Variants in PTPN14 observed in about 807,000 individuals in gnomAD.
PTPN14 encodes protein tyrosine phosphatase non-receptor type 14, also known as tyrosine-protein phosphatase non-receptor type 14.
Under a neutral mutation model 126.8 loss-of-function variants are expected in PTPN14, and 53 were observed. That is an observed-to-expected ratio of 0.42 (90% CI 0.34 to 0.53). The LOEUF (loss-of-function observed/expected upper bound fraction) is 0.53. Ranked by LOEUF, PTPN14 falls within the 20% of genes least tolerant of loss-of-function variation. PTPN14 has a pLI of 0.08. For synonymous variants in PTPN14, 630 were observed against 599.3 expected (o/e 1.05, Z -0.75); for missense variants, 1,257 against 1,552.9 (o/e 0.81, Z 3.20).
intron 1 of PTPN14, among the ~76,000 whole-genome samples, chr1:214,489,189 T>C (rs1032174621): frequency 6.6e-6 from 1 of 152,218 alleles, no homozygotes; most frequent in African/African-American, 2.4e-5. Context: ...ATTTTCAGTT[T>C]GTTATATCAT....
chr1:214,514,533 C>G (rs1420537061), intron 1 of PTPN14, among the ~76,000 whole-genome samples: 5 of 152,156 alleles, frequency 3.3e-5, no homozygotes, highest in Non-Finnish European at 7.3e-5. Flanking sequence ...AGATTGCCAA[C>G]AGATTCCCAG....
chr1:214,351,453 G>T lies in PTPN14; in HGVS notation c.*6469C>A, dbSNP rs1419189531. Reference sequence around the variant, plus strand: ...ACTGCATGTACATCCCAGTTTTGTGGCCTGAATAGAAACATGACTTGCTCT... The same window carrying T: ...ACTGCATGTACATCCCAGTTTTGTGTCCTGAATAGAAACATGACTTGCTCT... On this transcript the variant is annotated 3_prime_UTR_variant, in exon 19 of 19. Coordinates refer to ENST00000366956, the MANE Select transcript of PTPN14 (RefSeq NM_005401.5). The T allele has an allele frequency of 6.6e-6, 1 of 152,170 alleles. No individual in the cohort carries two copies. Among genetic ancestry groups the T allele is most frequent in the East Asian group, 1.9e-4 (1 of 5,204 alleles). 9.4% of individuals were successfully genotyped at this position (152,170 alleles called of 1,614,324 possible). A position where few individuals can be genotyped will look rare whatever the true frequency, so the allele number is the denominator to read the frequency against.
At chr1:214,531,993 T>C (rs182337598) in intron 1 of PTPN14, 1 of 154,454 alleles carries the variant, frequency 6.5e-6, no homozygotes, top group Non-Finnish European at 1.4e-5. Flanking sequence ...CTGAGCAGGT[T>C]TGACCACTTG....
intron 3 of PTPN14, 92 bp from the exon 4 acceptor site, chr1:214,414,818 T>G: frequency 9.9e-7 from 1 of 1,010,296 alleles, no homozygotes; most frequent in Non-Finnish European, 1.6e-6. Flanking sequence ...TAAAACCTTG[T>G]GTACACAGCA....
intron 3 of PTPN14, among the ~76,000 whole-genome samples, chr1:214,422,032 T>C (rs970759310): frequency 3.3e-5 from 5 of 152,094 alleles, no homozygotes; most frequent in African/African-American, 1.2e-4. Flanking sequence ...TAAACATTTC[T>C]GAGTAGATGA....
chr1:214,380,370 CTT>C (rs1490185792), intron 13 of PTPN14, among the ~76,000 whole-genome samples: 5 of 152,122 alleles, frequency 3.3e-5, no homozygotes, highest in African/African-American at 1.2e-4. Context: ...AAGTATGTCT[CTT>C]TGATCCTTCT....
chr1:214,440,101 T>TGTCA (rs1469438274), intron 3 of PTPN14, among the ~76,000 whole-genome samples: 12 of 152,320 alleles, frequency 7.9e-5, no homozygotes, highest in Non-Finnish European at 1.3e-4. Flanking sequence ...GGCTCTCCCA[T>TGTCA]GTCAGCATGC....
intron 11 of PTPN14, among the ~76,000 whole-genome samples, chr1:214,390,034 T>C (rs1271807807): frequency 5.3e-5 from 8 of 152,194 alleles, no homozygotes; most frequent in Non-Finnish European, 1.2e-4. Flanking sequence ...TTCAAGGAAA[T>C]AAACTTTTCT....
chr1:214,472,273 G>T (rs1660776222), intron 1 of PTPN14, among the ~76,000 whole-genome samples: 1 of 152,016 alleles, frequency 6.6e-6, no homozygotes, highest in Non-Finnish European at 1.5e-5. Flanking sequence ...AGATCTAGTT[G>T]TTGTAAAGTC....
intron 1 of PTPN14, among the ~76,000 whole-genome samples, chr1:214,466,092 G>A (rs952327438): frequency 2.0e-5 from 3 of 150,392 alleles, no homozygotes; most frequent in Non-Finnish European, 4.4e-5. Context: ...AAGTAGCTGG[G>A]ATTACAGGCA....
At chr1:214,389,145 T>G (rs1658693148) in intron 11 of PTPN14, among the ~76,000 whole-genome samples, 1 of 152,164 alleles carries the variant, frequency 6.6e-6, no homozygotes, top group African/African-American at 2.4e-5. Flanking sequence ...TTTAAGGCTT[T>G]AAAGAAAAAC....
chr1:214,379,381 G>A (rs1658421260), intron 13 of PTPN14, among the ~76,000 whole-genome samples: 1 of 152,168 alleles, frequency 6.6e-6, no homozygotes, highest in African/African-American at 2.4e-5. Flanking sequence ...AGGACTGCAT[G>A]ACGCCCTTCC....
chr1:214,404,663 G>A (rs1659120234), intron 5 of PTPN14, among the ~76,000 whole-genome samples: 1 of 152,200 alleles, frequency 6.6e-6, no homozygotes, highest in South Asian at 2.1e-4. Flanking sequence ...GGGCCTCCCT[G>A]AGGTATGTGC....
At chr1:214,415,654 G>A (rs764896101) in intron 3 of PTPN14, among the ~76,000 whole-genome samples, 12 of 151,174 alleles carry the variant, frequency 7.9e-5, no homozygotes, top group Non-Finnish European at 1.6e-4. Context: ...AATCGGCGCT[G>A]AGAGCTAATT....
chr1:214,482,145 A>C (rs1324565993), intron 1 of PTPN14, among the ~76,000 whole-genome samples: 3 of 152,190 alleles, frequency 2.0e-5, no homozygotes, highest in Admixed American at 2.0e-4. Flanking sequence ...GGTGATGCTA[A>C]ACACTATCAA....
At chr1:214,447,947 A>T (rs1558106558) in intron 3 of PTPN14, among the ~76,000 whole-genome samples, 1 of 152,232 alleles carries the variant, frequency 6.6e-6, no homozygotes, top group African/African-American at 2.4e-5. Context: ...TTCATCTGAA[A>T]TAAACCAGGC....
intron 3 of PTPN14, among the ~76,000 whole-genome samples, chr1:214,423,099 C>T (rs1659580100): frequency 1.3e-5 from 2 of 150,282 alleles, no homozygotes; most frequent in Admixed American, 1.3e-4. Context: ...GCCTGGGCAA[C>T]ATGGCAAAAC....
chr1:214,436,939 A>G (rs1026138825), intron 3 of PTPN14, among the ~76,000 whole-genome samples: 3 of 151,994 alleles, frequency 2.0e-5, no homozygotes, highest in African/African-American at 4.8e-5. Context: ...CTCTCAATGT[A>G]TATAGTAAGG....
chr1:214,422,175 T>C (rs1162753935), intron 3 of PTPN14, among the ~76,000 whole-genome samples: 1 of 152,172 alleles, frequency 6.6e-6, no homozygotes, highest in Non-Finnish European at 1.5e-5. Context: ...ATGGAACTCA[T>C]CACACATCAA....
Sources: allele counts gnomAD v4.1 joint callset (sites outside exome capture counted in the v4.1 genomes callset), GRCh38; gene constraint gnomAD v4.1.1; transcripts MANE v1.5; gene names NCBI Gene and HGNC (gene_info 2026-07-23, HGNC 2026-07-21).